Variants in ARHGEF10 observed in about 807,000 individuals in gnomAD.
ARHGEF10 encodes the protein Rho guanine nucleotide exchange factor 10.
In ARHGEF10, 140 loss-of-function variants were observed where a neutral mutation model predicts 147.4. That is an observed-to-expected ratio of 0.95 (90% CI 0.83 to 1.09). ARHGEF10 has a LOEUF of 1.09. Ranked by LOEUF, ARHGEF10 falls within the 50% of genes least tolerant of loss-of-function variation. ARHGEF10 has a pLI of 0.00. For synonymous variants in ARHGEF10, 902 were observed against 695.8 expected, an observed-to-expected ratio of 1.30 and a Z score of -4.67; for missense variants, 2,222 against 1,752.7, an observed-to-expected ratio of 1.27 and a Z score of -4.78.
At chr8:1,835,191 A>G (rs1370670196) in intron 1 of ARHGEF10, among the ~76,000 whole-genome samples, 2 of 152,106 alleles carry the variant, frequency 1.3e-5, no homozygotes, top group African/African-American at 2.4e-5. Context: ...GGAGGAGTGG[A>G]CGATAGGAAA....
chr8:1,908,389 C>A (rs968452976), intron 17 of ARHGEF10, among the ~76,000 whole-genome samples: 13 of 151,946 alleles, frequency 8.6e-5, no homozygotes, highest in Non-Finnish European at 1.5e-4. Flanking sequence ...CACCACCACA[C>A]CCAGCTAATT....
intron 4 of ARHGEF10, 74 bp downstream of exon 4, chr8:1,860,258 G>A (rs575275326): frequency 6.7e-6 from 10 of 1,498,306 alleles, no homozygotes; most frequent in Non-Finnish European, 9.1e-6. Flanking sequence ...GAAGTGGCCT[G>A]TGGTTCCCTC....
intron 16 of ARHGEF10, among the ~76,000 whole-genome samples, 196 bp from the exon 17 acceptor site, chr8:1,905,375 G>A (rs769033908): frequency 1.3e-5 from 2 of 152,150 alleles, no homozygotes; most frequent in African/African-American, 2.4e-5. Flanking sequence ...TTTAAATCGC[G>A]GGAGGGCCAA....
Position 1,898,481 on chromosome 8 carries a change from A to G in ARHGEF10, c.1606A>G (p.Met536Val), listed in dbSNP as rs377263906. ...PDRTTLYSLM[M>V]KPIQRFPQFI... ...TCGAACCACGCTCTACAGCCTGATGATGAAGCCCATCCAGAGGTTCCCACA... is the reference window on the plus strand; with the variant it reads ...TCGAACCACGCTCTACAGCCTGATGGTGAAGCCCATCCAGAGGTTCCCACA... The change falls in exon 15 of 29, where the codon ATG becomes GTG. Residue 536 changes from methionine (M) to valine (V), a missense_variant. Transcript: ENST00000349830. 7 of 1,614,042 alleles carry G rather than the reference A, an allele frequency of 4.3e-6. No individual in the cohort carries two copies. Among genetic ancestry groups the G allele is most frequent in the African/African-American group, 2.7e-5 (2 of 74,930 alleles).
chr8:1,832,358 G>GCAGAGA (rs201841954), intron 1 of ARHGEF10, among the ~76,000 whole-genome samples: 3 of 132,186 alleles, frequency 2.3e-5, no homozygotes, highest in Non-Finnish European at 3.4e-5. Context: ...ACAGAGACAG[G>GCAGAGA]CAGAGACAGA....
intron 25 of ARHGEF10, among the ~76,000 whole-genome samples, chr8:1,932,525 CGTGCATGTGTGTT>C (rs1563305324): frequency 6.6e-6 from 1 of 151,962 alleles, no homozygotes; most frequent in African/African-American, 2.4e-5. Flanking sequence ...TGTGTGTGTG[CGTGCATGTGTGTT>C]GTGCATGGGT....
At chr8:1,914,350 C>A (rs1283829680) in intron 18 of ARHGEF10, among the ~76,000 whole-genome samples, 1 of 152,240 alleles carries the variant, frequency 6.6e-6, no homozygotes, top group Non-Finnish European at 1.5e-5. Flanking sequence ...AGCCACAGCC[C>A]TGAGGGTTCT....
intron 1 of ARHGEF10, among the ~76,000 whole-genome samples, chr8:1,827,477 T>G (rs371919063): frequency 2.6e-5 from 4 of 152,172 alleles, no homozygotes; most frequent in African/African-American, 9.6e-5. Context: ...CCCGGCTAAT[T>G]TTTGTATTTT....
At chr8:1,947,741 G>C (rs1814710202) in intron 27 of ARHGEF10, among the ~76,000 whole-genome samples, 1 of 134,788 alleles carries the variant, frequency 7.4e-6, no homozygotes, top group African/African-American at 2.8e-5. Flanking sequence ...ACCCGCCCCG[G>C]CCCCCCGCAC....
At chr8:1,947,945 C>G (rs1352186763) in intron 27 of ARHGEF10, among the ~76,000 whole-genome samples, 2 of 151,942 alleles carry the variant, frequency 1.3e-5, no homozygotes, top group Non-Finnish European at 2.9e-5. Flanking sequence ...AGTCCTGCAC[C>G]CACCCAGAAA....
chr8:1,923,468 A>G lies in ARHGEF10; in HGVS notation c.2260A>G (p.Asn754Asp), dbSNP rs774893856. The G allele has an allele frequency of 6.2e-7, 1 of 1,614,122 alleles. No homozygotes were observed. The highest frequency in any genetic ancestry group is 1.3e-5 in the African/African-American group (1 of 75,032). ...LIGNLKGNYQ[N>D]LNQSVAHDWT... Reference sequence around the variant, plus strand: ...ATGTGCGTATTTATTTCCTTTGTAGAACTTAAACCAGTCAGTAGCCCATGA... The same window carrying G: ...ATGTGCGTATTTATTTCCTTTGTAGGACTTAAACCAGTCAGTAGCCCATGA... Residue 754 changes from asparagine to aspartate, a missense_variant and splice_region_variant, in exon 20 of 29, where the codon AAC becomes GAC. Physicochemically the swap from Asn to Asp is conservative, Grantham distance 23 (BLOSUM62 1). Coordinates refer to ENST00000349830, the MANE Select transcript of ARHGEF10 (RefSeq NM_014629.4).
Position 1,847,048 on chromosome 8 carries a change from C to G in ARHGEF10, c.37+3612C>G, listed in dbSNP as rs79867113. ...AGTGGAATCATTCTTTAGTCCATGC[C>G]CATTCCTCACCTTTACCAGGTCCCT... On this transcript the variant is annotated intron_variant, in intron 2 of 28. Transcript: ENST00000349830. Among the ~76,000 whole-genome samples the G allele has an allele frequency of 9.0e-3, 1,377 of 152,256 alleles. 19 individuals are homozygous for G. The highest frequency in any genetic ancestry group is 0.061 in the East Asian group (316 of 5,186).
chr8:1,854,737 A>G (rs1474353103), intron 2 of ARHGEF10, among the ~76,000 whole-genome samples: 3 of 152,216 alleles, frequency 2.0e-5, no homozygotes, highest in East Asian at 3.8e-4. Context: ...TATTTTGGCA[A>G]AAAACAGTTT....
chr8:1,843,346 C>G lies in ARHGEF10; in HGVS notation c.-47-7C>G. On this transcript the variant is annotated splice_region_variant and splice_polypyrimidine_tract_variant and intron_variant, in intron 1 of 28. Transcript: ENST00000349830. ...ACGGTGACAAGCAGTGTCTCTCCTT[C>G]TTGCAGGAGCTCCTTCCCTTAACAG... is the stretch of plus-strand genomic sequence containing the variant. The G allele has an allele frequency of 1.2e-6, 2 of 1,610,420 alleles. No homozygotes were observed. Among genetic ancestry groups the G allele is most frequent in the Non-Finnish European group, 1.7e-6 (2 of 1,179,216 alleles).
upstream of ARHGEF10, among the ~76,000 whole-genome samples, chr8:1,823,700 C>T (rs1043743641): frequency 2.2e-4 from 33 of 150,432 alleles, no homozygotes; most frequent in Admixed American, 3.9e-4. Flanking sequence ...GGAGATGATC[C>T]GGGGGCGGGA....
At chr8:1,837,729 G>A (rs1386788879) in intron 1 of ARHGEF10, among the ~76,000 whole-genome samples, 5 of 152,190 alleles carry the variant, frequency 3.3e-5, no homozygotes, top group African/African-American at 9.7e-5. Flanking sequence ...AGAACAGAGC[G>A]TGGGTTACCA....
At chr8:1,920,042 G>GGGCTGTTCC (rs1812145022) in intron 18 of ARHGEF10, among the ~76,000 whole-genome samples, 15 of 150,880 alleles carry the variant, frequency 9.9e-5, no homozygotes, top group East Asian at 1.9e-4. Context: ...ATGGGTGATG[G>GGGCTGTTCC]AGCTGTTCCG....
At chr8:1,952,872 G>A (rs777513302) in intron 28 of ARHGEF10, 45 bp downstream of exon 28, 2 of 1,612,890 alleles carry the variant, frequency 1.2e-6, no homozygotes, top group Admixed American at 1.7e-5. Flanking sequence ...TGTCTTGCAG[G>A]CTCGTGGAGC....
chr8:1,833,937 GC>G (rs1803425022), intron 1 of ARHGEF10, among the ~76,000 whole-genome samples: 1 of 152,106 alleles, frequency 6.6e-6, no homozygotes, highest in South Asian at 2.1e-4. Flanking sequence ...GCTGCTGGGA[GC>G]CCCCCAATGA....
Sources: allele counts gnomAD v4.1 joint callset (sites outside exome capture counted in the v4.1 genomes callset), GRCh38; gene constraint gnomAD v4.1.1; transcripts MANE v1.5; gene names NCBI Gene and HGNC (gene_info 2026-07-23, HGNC 2026-07-21).